The following ZNF69 variants were observed in gnomAD, a reference collection of about 807,000 sequenced individuals.
ZNF69 encodes zinc finger protein 69.
ZNF69 carries 47 observed loss-of-function variants against 50.9 expected under a neutral mutation model. That is an observed-to-expected ratio of 0.92 (90% confidence interval 0.73 to 1.18). The LOEUF is 1.18. Ranked by LOEUF, ZNF69 falls within the 50% of genes most tolerant of loss-of-function variation. The probability of loss-of-function intolerance (pLI) is 0.00; values close to 1 mark genes in which losing one functional copy is unlikely to be tolerated. For missense variants in ZNF69, 717 were observed against 675.1 expected, an observed-to-expected ratio of 1.06 and a Z score of -0.69; for synonymous variants, 216 against 223.1, an observed-to-expected ratio of 0.97 and a Z score of 0.29.
At chr19:11,965,641 T>C in the ZNF69 span, among the ~76,000 whole-genome samples, 1 of 152,222 alleles carries the variant, frequency 6.6e-6, no homozygotes, top group Non-Finnish European at 1.5e-5. Context: ...AAGAGTTCAT[T>C]TGAGCAAACA....
the ZNF69 span, among the ~76,000 whole-genome samples, chr19:11,919,449 T>C: frequency 6.6e-6 from 1 of 152,098 alleles, no homozygotes; most frequent in African/African-American, 2.4e-5. Flanking sequence ...GTGTCTTGTA[T>C]TTACTCTCCT....
intron 1 of ZNF69, among the ~76,000 whole-genome samples, chr19:11,896,077 A>G (rs2145218801): frequency 6.6e-6 from 1 of 151,996 alleles, no homozygotes; most frequent in East Asian, 1.9e-4. Context: ...AAATTAGTCA[A>G]GCGTGATGGT....
intron 1 of ZNF69, among the ~76,000 whole-genome samples, chr19:11,891,924 A>C (rs1977098830): frequency 6.6e-6 from 1 of 152,110 alleles, no homozygotes; most frequent in South Asian, 2.1e-4. Context: ...AAAGGCAAAT[A>C]AATATAATAG....
chr19:11,894,644 T>C, intron 1 of ZNF69, among the ~76,000 whole-genome samples: 1 of 152,094 alleles, frequency 6.6e-6, no homozygotes, highest in Non-Finnish European at 1.5e-5. Flanking sequence ...GGGGACAGAC[T>C]GAGGTAGGAG....
At chr19:11,925,355 C>A in the ZNF69 span, 169 of 1,581,024 alleles carry the variant, frequency 1.1e-4, 1 homozygote, top group East Asian at 3.8e-3. Flanking sequence ...GGGACCCGGG[C>A]CTCCCTGTGG....
chr19:11,900,538 A>G (rs546429635), intron 1 of ZNF69, among the ~76,000 whole-genome samples: 30 of 152,010 alleles, frequency 2.0e-4, no homozygotes, highest in African/African-American at 6.8e-4. Context: ...TTTTTACTAG[A>G]GACGGGGTTT....
At position 11,905,028 on chromosome 19, in the gene ZNF69, G is replaced by A. The variant is rs749766429; in HGVS notation, c.631G>A (p.Val211Met). The change falls in exon 4 of 4, where the codon GTG (valine) becomes ATG (methionine). Residue 211 changes from valine (V) to methionine (M), a missense_variant. By Grantham distance (21) the Val-to-Met change is conservative. Transcript: ENST00000429654. ...FISHSSIQRH[V>M]VMHSGDGPYK... The stretch of plus-strand genomic sequence containing the variant: ...TTCCCATTCAAGCATTCAAAGACAC[G>A]TGGTAATGCACAGTGGGGATGGACC... The A allele has an allele frequency of 2.4e-5, 38 of 1,614,028 alleles. No individual in the cohort carries two copies. Among genetic ancestry groups the A allele is most frequent in the East Asian group, 6.7e-5 (3 of 44,886 alleles).
rs192286266 is a variant in ZNF69 at position 11,899,721 on chromosome 19, G to C, written c.64-3852G>C. ...AAAACATTTGTGGGAGGACTTTTGT[G>C]TGGACATCAGTTTTCAGTTCATTTG... On this transcript the variant is annotated intron_variant, in intron 1 of 3. Coordinates refer to ENST00000429654, the MANE Select transcript of ZNF69 (RefSeq NM_001364730.1). 2.1e-3 allele frequency among the ~76,000 whole-genome samples: 322 copies of C among 152,230 alleles called. 1 individual carries two copies. The highest frequency in any genetic ancestry group is 6.8e-3 in the African/African-American group (282 of 41,530).
chr19:11,888,115 G>C, intron 1 of ZNF69, 129 bp downstream of exon 1: 1 of 794,764 alleles, frequency 1.3e-6, no homozygotes. Context: ...TCCTGGAGCC[G>C]CTCGGCCCTC....
At chr19:11,890,234 G>A (rs1181222482) in intron 1 of ZNF69, among the ~76,000 whole-genome samples, 1 of 152,202 alleles carries the variant, frequency 6.6e-6, no homozygotes, top group Non-Finnish European at 1.5e-5. Flanking sequence ...TTTCCCACGA[G>A]GCCGGATCTC....
At chr19:11,911,079 C>G (rs9748973), downstream of ZNF69, among the ~76,000 whole-genome samples, 1 of 152,068 alleles carries the variant, frequency 6.6e-6, no homozygotes, top group East Asian at 1.9e-4. Flanking sequence ...AAAATGCTCA[C>G]CATCACTGGC....
chr19:11,905,312 A>G lies in ZNF69; in HGVS notation c.915A>G (p.Gln305=), dbSNP rs182175709. Residue 305 remains glutamine, a synonymous_variant, in exon 4 of 4, where the codon CAA becomes CAG. Transcript: ENST00000429654. The part of the protein sequence containing the change: ...ERIHTGEKAY[Q]CKECGKAFTC... ...TTCACACGGGAGAGAAGGCTTATCA[A>G]TGTAAGGAATGTGGAAAAGCATTCA... 5.6e-6 allele frequency: 9 copies of G among 1,614,082 alleles called. No homozygotes were observed. The highest frequency in any genetic ancestry group is 1.6e-4 in the Middle Eastern group (1 of 6,062).
chr19:11,930,620 C>G, the ZNF69 span, among the ~76,000 whole-genome samples: 1 of 148,356 alleles, frequency 6.7e-6, no homozygotes, highest in Admixed American at 6.6e-5. Context: ...TGTAGATAAC[C>G]ATTTGTCCCT....
intron 1 of ZNF69, among the ~76,000 whole-genome samples, chr19:11,892,135 AT>A (rs4071659): frequency 0.017 from 1,948 of 113,798 alleles, 28 homozygotes; most frequent in African/African-American, 0.062. Flanking sequence ...CTCCTGGCTG[AT>A]TTTTTTTTTT....
chr19:11,908,998 C>T (rs1160915655), downstream of ZNF69, among the ~76,000 whole-genome samples: 5 of 151,992 alleles, frequency 3.3e-5, no homozygotes, highest in Admixed American at 1.3e-4. Context: ...ATATCACCAC[C>T]GATCCCACAG....
At chr19:11,915,858 C>A (rs553317531), downstream of ZNF69, among the ~76,000 whole-genome samples, 8 of 152,180 alleles carry the variant, frequency 5.3e-5, no homozygotes, top group East Asian at 1.6e-3. Context: ...GTGCTGAGAT[C>A]GCGCCATTGC....
the ZNF69 span, among the ~76,000 whole-genome samples, chr19:11,933,778 G>T: frequency 6.9e-6 from 1 of 145,660 alleles, no homozygotes; most frequent in Admixed American, 6.7e-5. Flanking sequence ...CCAGGAGGCG[G>T]AGCTTGCAGT....
chr19:11,965,036 A>C, the ZNF69 span: 4 of 733,058 alleles, frequency 5.5e-6, no homozygotes, highest in Non-Finnish European at 9.2e-6. Flanking sequence ...AGTGGGTCGC[A>C]TTCCTGTCCT....
the ZNF69 span, among the ~76,000 whole-genome samples, chr19:11,974,742 A>G: frequency 6.6e-6 from 1 of 152,098 alleles, no homozygotes; most frequent in Admixed American, 6.5e-5. Context: ...AACTGGGACT[A>G]CAGGCACATG....
Sources: gnomAD v4.1 joint callset for allele counts (sites outside exome capture counted in the v4.1 genomes callset) on GRCh38, gnomAD v4.1.1 for gene constraint, MANE v1.5 for transcripts, NCBI Gene and HGNC (gene_info 2026-07-23, HGNC 2026-07-21) for gene names.